The following YTHDF2 variants were observed in gnomAD, a reference collection of about 807,000 sequenced individuals.
YTHDF2 encodes the protein YTH domain-containing family protein 2.
YTHDF2 carries 2 observed loss-of-function variants against 50.4 expected under a neutral mutation model. The observed-to-expected ratio is 0.04, with a 90% CI of 0.02 to 0.12. The LOEUF is 0.12. Ranked by LOEUF, YTHDF2 falls within the 10% of genes least tolerant of loss-of-function variation. YTHDF2 has a pLI of 1.00. For missense variants in YTHDF2, 483 were observed against 722.6 expected (o/e 0.67, Z 3.80); for synonymous variants, 217 against 255.6 (o/e 0.85, Z 1.44).
At chr1:28,738,455 G>A (rs1416807326) in intron 3 of YTHDF2, 117 bp downstream of exon 3, 2 of 978,248 alleles carry the variant, frequency 2.0e-6, no homozygotes, top group Non-Finnish European at 3.0e-6. Context: ...TCTGTTTTCT[G>A]TTTTTTTGAG....
chr1:28,768,213 T>G (rs561030742), intron 4 of YTHDF2, among the ~76,000 whole-genome samples: 1 of 151,592 alleles, frequency 6.6e-6, no homozygotes, highest in African/African-American at 2.4e-5. Context: ...GAAAAAAAAA[T>G]TTTTTTTAAA....
At chr1:28,765,772 T>C (rs2088206706) in intron 4 of YTHDF2, among the ~76,000 whole-genome samples, 1 of 152,220 alleles carries the variant, frequency 6.6e-6, no homozygotes, top group African/African-American at 2.4e-5. Flanking sequence ...TCAGATTTAC[T>C]CTTCCACATT....
chr1:28,737,780 A>C (rs1334062771), intron 2 of YTHDF2, 98 bp downstream of exon 2: 5 of 1,475,256 alleles, frequency 3.4e-6, no homozygotes, highest in Non-Finnish European at 4.6e-6. Context: ...GACCTTTCGG[A>C]AGCCGCTTAG....
intron 4 of YTHDF2, among the ~76,000 whole-genome samples, chr1:28,758,761 T>C (rs2088070822): frequency 6.6e-6 from 1 of 152,194 alleles, no homozygotes; most frequent in Non-Finnish European, 1.5e-5. Context: ...AGTTCTTGGC[T>C]AATTCAAAGT....
At chr1:28,737,799 T>G in intron 2 of YTHDF2, 117 bp downstream of exon 2, 1 of 1,209,270 alleles carries the variant, frequency 8.3e-7, no homozygotes, top group Non-Finnish European at 1.2e-6. Context: ...AGTTCGCAGG[T>G]GCCGCACACT....
intron 4 of YTHDF2, among the ~76,000 whole-genome samples, chr1:28,759,079 A>G (rs527791844): frequency 7.2e-5 from 11 of 152,194 alleles, no homozygotes; most frequent in Non-Finnish European, 1.5e-4. Context: ...GAGAGTTCTT[A>G]CTTTGAGATT....
At chr1:28,752,991 G>A (rs577977616) in intron 4 of YTHDF2, among the ~76,000 whole-genome samples, 1 of 152,112 alleles carries the variant, frequency 6.6e-6, no homozygotes, top group South Asian at 2.1e-4. Context: ...GCTGCAATGA[G>A]CTGTGATCAT....
Position 28,736,995 on chromosome 1 carries a change from T to G in YTHDF2, c.-126T>G. 1 of 1,245,160 alleles carries G rather than the reference T, an allele frequency of 8.0e-7. No homozygotes were observed. Among genetic ancestry groups the G allele is most frequent in the South Asian group, 1.4e-5 (1 of 73,502 alleles). 77.1% of individuals were successfully genotyped at this position (1,245,160 alleles called of 1,614,324 possible). ...AGCCGCGCGCTGTGTCTCCGCTGCG[T>G]CCGCCGAGGCCCCCGAGTGTCAGGG... is the stretch of plus-strand genomic sequence containing the variant. On this transcript the variant is annotated 5_prime_UTR_variant, in exon 1 of 5. Transcript: ENST00000373812.
chr1:28,752,320 A>G (rs1026319969), intron 4 of YTHDF2, among the ~76,000 whole-genome samples: 4 of 150,598 alleles, frequency 2.7e-5, no homozygotes, highest in African/African-American at 9.8e-5. Flanking sequence ...TGTTTTTGAG[A>G]CGGAGTCTCA....
In YTHDF2 at chr1:28,743,963, G is replaced by A; in HGVS notation, c.1693G>A (p.Glu565Lys). The change falls in exon 4 of 5, where the codon GAG (glutamate) becomes AAG (lysine). Residue 565 changes from glutamate (E) to lysine (K), a missense_variant. This residue lies in a region of YTHDF2 where 38 missense variants were observed against 60.1 expected (regional missense o/e 0.63). Transcript: ENST00000373812. This position sits in a 1 kb window ranked among gnomAD's most constrained non-coding sequence, Gnocchi z 6.9. ...CTTCTCACACTATGAGAAACGCCAA[G>A]AGGAAGAAGAAAGTGTTAAAAAGGT... ...DDFSHYEKRQ[E>K]EEESVKKERQ... 1 of 1,549,782 alleles carries A rather than the reference G, an allele frequency of 6.5e-7. No homozygotes were observed. The highest frequency in any genetic ancestry group is 8.7e-7 in the Non-Finnish European group (1 of 1,153,420).
At chr1:28,737,768 A>G in intron 2 of YTHDF2, 86 bp downstream of exon 2, 1 of 1,546,430 alleles carries the variant, frequency 6.5e-7, no homozygotes, top group Non-Finnish European at 8.8e-7. Flanking sequence ...CCCCGGGCGG[A>G]GGACCTTTCG....
At chr1:28,748,147 A>G (rs2087893829) in intron 4 of YTHDF2, among the ~76,000 whole-genome samples, 1 of 151,814 alleles carries the variant, frequency 6.6e-6, no homozygotes, top group Admixed American at 6.6e-5. Context: ...AAACCAAAAA[A>G]AAGAACTGCT....
chr1:28,769,671 C>G lies in YTHDF2; in HGVS notation c.*719C>G, dbSNP rs945790154. On this transcript the variant is annotated 3_prime_UTR_variant, in exon 5 of 5. Transcript: ENST00000373812. The stretch of plus-strand genomic sequence containing the variant: ...AAGAGAAAAATACTGTAAAACGTGT[C>G]GTGAATGTTTCTTCAGTTTCTTGTT... The G allele has an allele frequency of 6.5e-6, 1 of 152,696 alleles. No individual in the cohort carries two copies. The highest frequency in any genetic ancestry group is 6.5e-5 in the Admixed American group (1 of 15,282). The allele number at this position is 152,696 out of a possible 1,614,324, so 9.5% of individuals were successfully genotyped here.
intron 2 of YTHDF2, 50 bp downstream of exon 2, chr1:28,737,732 G>C (rs1156971749): frequency 1.2e-6 from 2 of 1,604,150 alleles, no homozygotes; most frequent in African/African-American, 2.7e-5. Flanking sequence ...GACGCGGGGC[G>C]GTGGGGGCGG....
intron 4 of YTHDF2, among the ~76,000 whole-genome samples, chr1:28,765,426 A>T (rs1000625731): frequency 6.5e-5 from 6 of 91,912 alleles, no homozygotes; most frequent in South Asian, 5.2e-4. Context: ...ATACATTTTT[A>T]AAAAAAGTTT....
intron 4 of YTHDF2, among the ~76,000 whole-genome samples, chr1:28,764,346 A>G (rs1005190805): frequency 1.3e-5 from 2 of 151,870 alleles, no homozygotes; most frequent in Admixed American, 1.3e-4. Context: ...ATCTCAGCTC[A>G]CTGCATCCCC....
At chr1:28,742,276 T>C in intron 3 of YTHDF2, 127 bp from the exon 4 acceptor site, 2 of 1,247,586 alleles carry the variant, frequency 1.6e-6, no homozygotes, top group Non-Finnish European at 2.2e-6. Context: ...ATTACAGGTG[T>C]GAGCCACCGC....
chr1:28,763,306 CT>C (rs1001857807), intron 4 of YTHDF2, among the ~76,000 whole-genome samples: 2 of 151,998 alleles, frequency 1.3e-5, no homozygotes, highest in Non-Finnish European at 2.9e-5. Flanking sequence ...CAGAGTTTTG[CT>C]CTTTTGCCCA....
chr1:28,748,084 C>T (rs912664233), intron 4 of YTHDF2, among the ~76,000 whole-genome samples: 8 of 150,842 alleles, frequency 5.3e-5, no homozygotes, highest in African/African-American at 1.5e-4. Context: ...GCCAAGATGG[C>T]GCCACTGGAC....
Sources: allele counts gnomAD v4.1 joint callset (sites outside exome capture counted in the v4.1 genomes callset), GRCh38; gene constraint gnomAD v4.1.1; regional missense constraint gnomAD v4.1.1; non-coding constraint Gnocchi (gnomAD v3.1); transcripts MANE v1.5; gene names NCBI Gene and HGNC (gene_info 2026-07-23, HGNC 2026-07-21).